The following FRMD6 variants were observed in gnomAD, a reference collection of about 807,000 sequenced individuals.
FRMD6 encodes FERM domain-containing protein 6.
FRMD6 carries 37 observed loss-of-function variants against 73.2 expected under a neutral mutation model. The observed-to-expected ratio is 0.51, with a 90% confidence interval of 0.39 to 0.66. FRMD6 has a LOEUF of 0.66. FRMD6 is among the 30% of genes least tolerant of loss of function. The pLI is 0.00. For missense variants in FRMD6, 714 were observed against 780.5 expected (o/e 0.91, Z 1.02); for synonymous variants, 273 against 282.2 (o/e 0.97, Z 0.33).
intron 1 of FRMD6, among the ~76,000 whole-genome samples, chr14:51,566,836 G>A (rs1887800697): frequency 6.6e-6 from 1 of 152,238 alleles, no homozygotes; most frequent in Admixed American, 6.5e-5. Flanking sequence ...ATCCTTCTGT[G>A]TATAAGTTGT....
intron 9 of FRMD6, among the ~76,000 whole-genome samples, chr14:51,713,390 G>C (rs763832476): frequency 6.6e-6 from 1 of 150,436 alleles, no homozygotes; most frequent in Non-Finnish European, 1.5e-5. Context: ...CCCGAGAGGC[G>C]ATGGTTGCCA....
the FRMD6 span, among the ~76,000 whole-genome samples, chr14:51,433,298 C>T: frequency 3.9e-5 from 6 of 152,056 alleles, no homozygotes; most frequent in Non-Finnish European, 5.9e-5. Context: ...TAAATGCCTA[C>T]AGATAGAAGA....
the FRMD6 span, among the ~76,000 whole-genome samples, chr14:51,416,068 A>G: frequency 1.3e-5 from 2 of 152,108 alleles, no homozygotes; most frequent in East Asian, 3.9e-4. Flanking sequence ...TCTTGCTAGT[A>G]ATCTATCAAT....
intron 2 of FRMD6, among the ~76,000 whole-genome samples, chr14:51,596,380 C>T (rs750155600): frequency 6.6e-6 from 1 of 151,776 alleles, no homozygotes; most frequent in Non-Finnish European, 1.5e-5. Context: ...ACCGTGTAAG[C>T]CTGAGGTTGG....
chr14:51,704,521 G>A (rs117634391), intron 5 of FRMD6: 8 of 469,056 alleles, frequency 1.7e-5, no homozygotes, highest in African/African-American at 3.9e-5. Flanking sequence ...CTTAGGAAAC[G>A]TTATTTTTAT....
At chr14:51,488,198 C>A (rs529671299), upstream of FRMD6, among the ~76,000 whole-genome samples, 3 of 152,342 alleles carry the variant, frequency 2.0e-5, no homozygotes, top group South Asian at 6.2e-4. Flanking sequence ...AGGAGCCCGT[C>A]TCTGAAATTT....
the FRMD6 span, among the ~76,000 whole-genome samples, chr14:51,398,214 C>T: frequency 6.6e-6 from 1 of 152,170 alleles, no homozygotes; most frequent in Non-Finnish European, 1.5e-5. Context: ...TGGTCTATTT[C>T]CTTGCTTCTG....
At chr14:51,671,416 A>G (rs373001514) in intron 1 of FRMD6, among the ~76,000 whole-genome samples, 75 of 152,318 alleles carry the variant, frequency 4.9e-4, no homozygotes, top group African/African-American at 1.7e-3. Context: ...AATTCATTTA[A>G]TAACTGAGGG....
rs1031209658 is a variant in FRMD6, at chr14:51,507,508, C to T, written c.-210+18088C>T. Among the ~76,000 whole-genome samples the T allele has an allele frequency of 7.9e-5, 12 of 152,194 alleles. No homozygotes were observed. In the East Asian group the frequency reaches 2.3e-3, roughly 29 times the overall value. On this transcript the variant is annotated intron_variant, in intron 1 of 14. Coordinates refer to the FRMD6 transcript ENST00000356218. ...AGAGACCCTGAATAATTCATGGCCA[C>T]AGACCTTTTCAAAATTCTACTATAG...
intron 1 of FRMD6, among the ~76,000 whole-genome samples, chr14:51,686,662 C>T (rs890670215): frequency 1.3e-5 from 2 of 151,820 alleles, no homozygotes; most frequent in Non-Finnish European, 2.9e-5. Flanking sequence ...GTCTACCCTT[C>T]GAAGATAATA....
At chr14:51,410,683 AG>A in the FRMD6 span, among the ~76,000 whole-genome samples, 1 of 152,320 alleles carries the variant, frequency 6.6e-6, no homozygotes, top group South Asian at 2.1e-4. Flanking sequence ...TACCACCCAA[AG>A]AAAACCATGG....
chr14:51,525,966 C>G (rs1416078593), intron 1 of FRMD6, among the ~76,000 whole-genome samples: 1 of 152,122 alleles, frequency 6.6e-6, no homozygotes, highest in Non-Finnish European at 1.5e-5. Context: ...AGCTCAGAGT[C>G]CTGGCAGGGC....
At chr14:51,453,854 C>A in the FRMD6 span, among the ~76,000 whole-genome samples, 1 of 152,166 alleles carries the variant, frequency 6.6e-6, no homozygotes, top group Admixed American at 6.5e-5. Flanking sequence ...TGTATAAATA[C>A]AGAAAGGCAA....
chr14:51,585,202 A>G (rs980714186), intron 2 of FRMD6, among the ~76,000 whole-genome samples: 3 of 152,162 alleles, frequency 2.0e-5, no homozygotes, highest in African/African-American at 7.2e-5. Flanking sequence ...TTTCGCCCCT[A>G]GAAGCTCCTC....
chr14:51,508,443 C>T (rs1018621101), intron 1 of FRMD6, among the ~76,000 whole-genome samples: 4 of 152,194 alleles, frequency 2.6e-5, no homozygotes, highest in East Asian at 1.9e-4. Context: ...AAGAGAGCCC[C>T]GTGTGTTTCC....
the FRMD6 span, among the ~76,000 whole-genome samples, chr14:51,426,910 G>A: frequency 6.6e-6 from 1 of 152,172 alleles, no homozygotes; most frequent in Admixed American, 6.5e-5. Flanking sequence ...TTAGCTTAGA[G>A]CTGACAGAGC....
chr14:51,652,792 T>A (rs988514505), intron 1 of FRMD6, among the ~76,000 whole-genome samples: 4 of 152,150 alleles, frequency 2.6e-5, no homozygotes, highest in African/African-American at 7.2e-5. Context: ...CACTGTCAGG[T>A]ATGGACAGCT....
chr14:51,569,509 T>TTC (rs774581826), intron 1 of FRMD6, among the ~76,000 whole-genome samples: 2 of 35,554 alleles, frequency 5.6e-5, no homozygotes, highest in South Asian at 9.9e-4. Flanking sequence ...CTTTCTTTCT[T>TTC]TTTTTTTTTT....
chr14:51,643,489 G>A (rs528312884), intron 2 of FRMD6: 24 of 152,316 alleles, frequency 1.6e-4, no homozygotes, highest in African/African-American at 3.4e-4. Flanking sequence ...GTAAGAAAAC[G>A]GATGATTGAG....
Sources: allele counts gnomAD v4.1 joint callset (sites outside exome capture counted in the v4.1 genomes callset), GRCh38; gene constraint gnomAD v4.1.1; transcripts MANE v1.5; gene names NCBI Gene and HGNC (gene_info 2026-07-23, HGNC 2026-07-21).